The following CA10 variants were observed in gnomAD, a reference collection of about 807,000 sequenced individuals.
CA10 encodes carbonic anhydrase-related protein 10.
Under a neutral mutation model 44.2 loss-of-function variants are expected in CA10, and 14 were observed. The observed-to-expected ratio is 0.32, with a 90% CI of 0.21 to 0.50. The LOEUF (loss-of-function observed/expected upper bound fraction) is 0.50. Among genes scored for constraint, CA10 ranks in the 20% least tolerant of loss-of-function variants. The pLI, the probability that CA10 is intolerant of heterozygous loss-of-function variation, is 0.99. For missense variants in CA10, 350 were observed against 409.7 expected, an observed-to-expected ratio of 0.85 and a Z score of 1.26; for synonymous variants, 159 against 141.6, an observed-to-expected ratio of 1.12 and a Z score of -0.87.
At chr17:51,734,691 C>G (rs1916839292) in intron 4 of CA10, among the ~76,000 whole-genome samples, 1 of 152,150 alleles carries the variant, frequency 6.6e-6, no homozygotes, top group South Asian at 2.1e-4. Flanking sequence ...GAGGGCGATT[C>G]CTTGCAGGAC....
chr17:51,724,416 G>A (rs377062926), intron 4 of CA10, among the ~76,000 whole-genome samples: 7 of 152,226 alleles, frequency 4.6e-5, no homozygotes, highest in African/African-American at 7.2e-5. Context: ...TATAAACACC[G>A]GCAGTTGCCA....
At chr17:51,663,550 A>G (rs1303662071) in intron 4 of CA10, among the ~76,000 whole-genome samples, 1 of 152,062 alleles carries the variant, frequency 6.6e-6, no homozygotes, top group Non-Finnish European at 1.5e-5. Flanking sequence ...TTGAACTTCA[A>G]TTTCTTCACA....
chr17:52,157,938 C>G lies in CA10; in HGVS notation c.-152G>C. On this transcript the variant is annotated 5_prime_UTR_variant, in exon 1 of 9. Transcript: ENST00000451037. ...GACAGCCGGCCAGGGACAGTCACCC[C>G]CAAGATCAATATCGCAGTTTGAATT... 2.8e-6 allele frequency: 2 copies of G among 703,696 alleles called. No individual in the cohort carries two copies. Among genetic ancestry groups the G allele is most frequent in the Non-Finnish European group, 2.6e-6 (1 of 387,454 alleles). The allele number at this position is 703,696 out of a possible 1,614,324, so 43.6% of individuals were successfully genotyped here. A position where few individuals can be genotyped will look rare whatever the true frequency, so the allele number is the denominator to read the frequency against.
At chr17:51,810,818 G>A (rs1047603085) in intron 3 of CA10, among the ~76,000 whole-genome samples, 2 of 152,216 alleles carry the variant, frequency 1.3e-5, no homozygotes, top group Non-Finnish European at 2.9e-5. Flanking sequence ...GCCAGGACTT[G>A]ATGCTTGCTT....
At chr17:51,818,300 AAAGT>A (rs549427487) in intron 3 of CA10, among the ~76,000 whole-genome samples, 122 of 152,338 alleles carry the variant, frequency 8.0e-4, no homozygotes, top group Middle Eastern at 3.4e-3. Context: ...GCACTAAAAG[AAAGT>A]TATTTTTCTT....
rs552613916 is a variant in CA10, at chr17:51,706,338, T to G, written c.465+41295A>C. ...GTAAAGCCATTTGCCAGAAATGAGC[T>G]CTCATGGAAACTGTACATTTCTGTG... On this transcript the variant is annotated intron_variant, in intron 4 of 8. Transcript: ENST00000451037. Among the ~76,000 whole-genome samples the G allele has an allele frequency of 2.0e-5, 3 of 152,302 alleles. No individual in the cohort carries two copies. In the East Asian group the frequency reaches 5.8e-4, roughly 29 times the overall value.
At chr17:52,153,374 G>A (rs2143417901) in intron 1 of CA10, among the ~76,000 whole-genome samples, 2 of 152,238 alleles carry the variant, frequency 1.3e-5, no homozygotes, top group South Asian at 4.1e-4. Flanking sequence ...GAAAGCATAT[G>A]TCGTTTGCCA....
At chr17:51,726,949 C>T (rs1916544931) in intron 4 of CA10, among the ~76,000 whole-genome samples, 1 of 152,206 alleles carries the variant, frequency 6.6e-6, no homozygotes, top group Non-Finnish European at 1.5e-5. Context: ...AGTTAGTGGC[C>T]TGCTGGTTTC....
chr17:51,960,740 G>T (rs1245582087), intron 2 of CA10, among the ~76,000 whole-genome samples: 1 of 152,012 alleles, frequency 6.6e-6, no homozygotes, highest in Non-Finnish European at 1.5e-5. Context: ...TCTAAATATT[G>T]GAAAATTAAA....
intron 1 of CA10, chr17:52,135,059 A>C (rs2143362570): frequency 6.4e-6 from 3 of 470,898 alleles, no homozygotes; most frequent in East Asian, 6.4e-5. Context: ...CCTGTGAGAA[A>C]TAAAAATGGA....
At chr17:51,687,814 T>C (rs1373962648) in intron 4 of CA10, among the ~76,000 whole-genome samples, 3 of 152,244 alleles carry the variant, frequency 2.0e-5, no homozygotes, top group African/African-American at 7.2e-5. Context: ...ATAAAAACTG[T>C]GATAACCCAA....
intron 2 of CA10, among the ~76,000 whole-genome samples, chr17:52,012,123 A>G (rs750159610): frequency 1.3e-5 from 2 of 152,018 alleles, no homozygotes; most frequent in African/African-American, 2.4e-5. Context: ...GCAATTTACT[A>G]CAATGTCTCA....
chr17:51,895,366 A>G (rs1197294806), intron 3 of CA10, among the ~76,000 whole-genome samples: 7 of 152,102 alleles, frequency 4.6e-5, no homozygotes, highest in Non-Finnish European at 8.8e-5. Flanking sequence ...CTCAAGTCCT[A>G]TCATTAAAGT....
chr17:51,640,760 A>C (rs1302861484), intron 6 of CA10, among the ~76,000 whole-genome samples: 1 of 152,236 alleles, frequency 6.6e-6, no homozygotes, highest in Non-Finnish European at 1.5e-5. Flanking sequence ...CTAGGCCAGG[A>C]ACTAGCTTTT....
chr17:52,006,024 C>A (rs1409734682), intron 2 of CA10, among the ~76,000 whole-genome samples: 1 of 151,766 alleles, frequency 6.6e-6, no homozygotes, highest in Non-Finnish European at 1.5e-5. Flanking sequence ...TGCCATATTG[C>A]AACTTTTATC....
At chr17:52,070,874 G>A (rs1177642923) in intron 2 of CA10, among the ~76,000 whole-genome samples, 3 of 152,238 alleles carry the variant, frequency 2.0e-5, no homozygotes, top group Admixed American at 6.5e-5. Flanking sequence ...CACTACAGAG[G>A]ATGTTCTCTT....
intron 4 of CA10, among the ~76,000 whole-genome samples, chr17:51,674,160 G>C (rs1914533455): frequency 6.6e-6 from 1 of 152,220 alleles, no homozygotes; most frequent in Non-Finnish European, 1.5e-5. Context: ...AATGAGAGCT[G>C]CTTGAGGGCC....
intron 3 of CA10, among the ~76,000 whole-genome samples, chr17:51,790,168 A>T (rs1598046390): frequency 6.6e-6 from 1 of 152,004 alleles, no homozygotes; most frequent in Admixed American, 6.5e-5. Flanking sequence ...ATCTGCAAAA[A>T]CTAGAGTTTC....
chr17:51,940,032 T>C (rs898903394), intron 2 of CA10, among the ~76,000 whole-genome samples: 1 of 152,144 alleles, frequency 6.6e-6, no homozygotes, highest in Non-Finnish European at 1.5e-5. Flanking sequence ...TTATACTTTT[T>C]ACAACTTGAT....
Sources: allele counts gnomAD v4.1 joint callset (sites outside exome capture counted in the v4.1 genomes callset), GRCh38; gene constraint gnomAD v4.1.1; transcripts MANE v1.5; gene names NCBI Gene and HGNC (gene_info 2026-07-23, HGNC 2026-07-21).